Variants in FBXL7 observed in about 807,000 individuals in gnomAD.
The protein encoded by FBXL7 is F-box/LRR-repeat protein 7.
Under a neutral mutation model 38.3 loss-of-function variants are expected in FBXL7, and 12 were observed. That is an observed-to-expected ratio of 0.31 (90% CI 0.20 to 0.51). FBXL7 has a LOEUF of 0.51. Among genes scored for constraint, FBXL7 ranks in the 20% least tolerant of loss-of-function variants. The pLI is 0.98. For synonymous variants in FBXL7, 297 were observed against 300.9 expected, an observed-to-expected ratio of 0.99 and a Z score of 0.13; for missense variants, 567 against 676.4, an observed-to-expected ratio of 0.84 and a Z score of 1.79.
chr5:15,866,173 G>A (rs910003841), intron 2 of FBXL7, among the ~76,000 whole-genome samples: 5 of 152,104 alleles, frequency 3.3e-5, no homozygotes, highest in African/African-American at 1.2e-4. Context: ...TAGAAATTGT[G>A]CGAATGAAAC....
chr5:15,637,774 G>C (rs1741231960), intron 2 of FBXL7, among the ~76,000 whole-genome samples: 1 of 152,160 alleles, frequency 6.6e-6, no homozygotes, highest in Non-Finnish European at 1.5e-5. Context: ...CTTTTACTAA[G>C]GCATCATTCT....
chr5:15,527,260 G>T (rs986944749), intron 1 of FBXL7, among the ~76,000 whole-genome samples: 1 of 152,104 alleles, frequency 6.6e-6, no homozygotes, highest in Non-Finnish European at 1.5e-5. Flanking sequence ...TCTTTTCACT[G>T]CCCTACATTT....
At chr5:15,524,754 A>G (rs866525634) in intron 1 of FBXL7, among the ~76,000 whole-genome samples, 1 of 152,214 alleles carries the variant, frequency 6.6e-6, no homozygotes, top group Non-Finnish European at 1.5e-5. Flanking sequence ...TCCATTTATC[A>G]TAGGAGATTA....
At chr5:15,503,734 C>T (rs1203818864) in intron 1 of FBXL7, among the ~76,000 whole-genome samples, 2 of 152,126 alleles carry the variant, frequency 1.3e-5, no homozygotes, top group African/African-American at 2.4e-5. Flanking sequence ...TTTAATTCGG[C>T]TGAAGTTTTT....
intron 2 of FBXL7, among the ~76,000 whole-genome samples, chr5:15,757,274 A>G (rs1174375997): frequency 1.3e-5 from 2 of 152,168 alleles, no homozygotes; most frequent in Non-Finnish European, 2.9e-5. Context: ...GGAATAACTC[A>G]AAACCAGAGA....
chr5:15,737,908 A>G (rs4235556), intron 2 of FBXL7, among the ~76,000 whole-genome samples: 82,406 of 151,938 alleles, frequency 0.54, 22,579 homozygotes, highest in East Asian at 0.67. Context: ...GCTCATTCTG[A>G]CATCATGGGA....
intron 2 of FBXL7, among the ~76,000 whole-genome samples, chr5:15,648,882 A>G (rs1026165349): frequency 6.6e-6 from 1 of 150,654 alleles, no homozygotes; most frequent in African/African-American, 2.5e-5. Flanking sequence ...TGTCCTAGTC[A>G]AGTCAATTTC....
chr5:15,702,338 CTT>C (rs1561091811), intron 2 of FBXL7, among the ~76,000 whole-genome samples: 1 of 151,834 alleles, frequency 6.6e-6, no homozygotes, highest in Admixed American at 6.6e-5. Flanking sequence ...TAAAGTGAGA[CTT>C]TTTGGTTTGC....
intron 1 of FBXL7, among the ~76,000 whole-genome samples, chr5:15,592,429 T>C (rs1015667397): frequency 6.6e-6 from 1 of 152,178 alleles, no homozygotes; most frequent in African/African-American, 2.4e-5. Flanking sequence ...GCTTAGCCCA[T>C]AAGCTCATTG....
intron 2 of FBXL7, among the ~76,000 whole-genome samples, chr5:15,898,665 G>T (rs912629264): frequency 2.0e-5 from 3 of 152,208 alleles, no homozygotes; most frequent in Non-Finnish European, 4.4e-5. Context: ...GCAGGATACA[G>T]TTCTTCACCT....
intron 2 of FBXL7, among the ~76,000 whole-genome samples, chr5:15,881,998 C>A (rs1740473246): frequency 6.6e-6 from 1 of 152,106 alleles, no homozygotes; most frequent in Admixed American, 6.6e-5. Context: ...AGGGGACAGG[C>A]ACTTCACATG....
intron 2 of FBXL7, among the ~76,000 whole-genome samples, chr5:15,745,087 A>G (rs548804189): frequency 6.6e-6 from 1 of 152,314 alleles, no homozygotes; most frequent in South Asian, 2.1e-4. Context: ...AAAACCTCAA[A>G]TGATTATCAC....
At chr5:15,903,256 T>C (rs1424225705) in intron 2 of FBXL7, among the ~76,000 whole-genome samples, 1 of 152,204 alleles carries the variant, frequency 6.6e-6, no homozygotes, top group Non-Finnish European at 1.5e-5. Flanking sequence ...AAATAAATCC[T>C]GCCTACCTGG....
rs3222099 is a variant in FBXL7, at chr5:15,818,703, CGTGT to C, written c.128-109149_128-109146del. 3.2e-3 allele frequency among the ~76,000 whole-genome samples: 371 copies of C among 116,836 alleles called. 1 individual carries two copies. Among genetic ancestry groups the C allele is most frequent in the South Asian group, 4.6e-3 (16 of 3,496 alleles). The allele number at this position is 116,836 out of a possible 152,430, so 76.6% of individuals were successfully genotyped here. On this transcript the variant is annotated intron_variant, in intron 2 of 3. Coordinates refer to ENST00000504595, the MANE Select transcript of FBXL7 (RefSeq NM_012304.5). Reference sequence around the variant, plus strand: ...AGTTAATCTGAATGTCCCATTATTTCGTGTGTGTGTGTGTGTGTGTGTGTGTGTG... The same window carrying C: ...AGTTAATCTGAATGTCCCATTATTTCGTGTGTGTGTGTGTGTGTGTGTGTG...
At chr5:15,892,419 G>T (rs1056069846) in intron 2 of FBXL7, among the ~76,000 whole-genome samples, 1 of 152,170 alleles carries the variant, frequency 6.6e-6, no homozygotes, top group African/African-American at 2.4e-5. Context: ...ATGCAGCTGT[G>T]TGGAAGACAG....
chr5:15,643,749 A>G (rs747859978), intron 2 of FBXL7, among the ~76,000 whole-genome samples: 1 of 152,212 alleles, frequency 6.6e-6, no homozygotes, highest in African/African-American at 2.4e-5. Context: ...TCTGCCGTGC[A>G]GCTAATGGAA....
intron 2 of FBXL7, among the ~76,000 whole-genome samples, chr5:15,730,648 A>G (rs1735557217): frequency 6.6e-6 from 1 of 152,232 alleles, no homozygotes; most frequent in Non-Finnish European, 1.5e-5. Context: ...TATAGATATA[A>G]TCATATCATT....
intron 1 of FBXL7, among the ~76,000 whole-genome samples, chr5:15,510,089 T>C (rs1736754453): frequency 2.0e-5 from 3 of 152,256 alleles, no homozygotes; most frequent in Non-Finnish European, 4.4e-5. Flanking sequence ...TTACTCATTC[T>C]ATCAGTTCCT....
intron 1 of FBXL7, among the ~76,000 whole-genome samples, chr5:15,609,384 T>C (rs1325261051): frequency 2.0e-5 from 3 of 152,188 alleles, no homozygotes; most frequent in Admixed American, 2.0e-4. Flanking sequence ...TGCCAAAGAA[T>C]TTGTGGACAT....
Sources: allele counts gnomAD v4.1 joint callset (sites outside exome capture counted in the v4.1 genomes callset), GRCh38; gene constraint gnomAD v4.1.1; transcripts MANE v1.5; gene names NCBI Gene and HGNC (gene_info 2026-07-23, HGNC 2026-07-21).